Variants in IRGM observed in about 807,000 individuals in gnomAD.
IRGM encodes immunity-related GTPase family M protein.
For synonymous variants in IRGM, 98 were observed against 80.6 expected, an observed-to-expected ratio of 1.22 and a Z score of -1.16; for missense variants, 288 against 219.9, an observed-to-expected ratio of 1.31 and a Z score of -1.96.
intron 3 of IRGM, among the ~76,000 whole-genome samples, chr5:150,891,545 C>G (rs1754610235): frequency 6.6e-6 from 1 of 152,050 alleles, no homozygotes; most frequent in Non-Finnish European, 1.5e-5. Context: ...TGGATTTAAG[C>G]TATAACTCTG....
chr5:150,867,130 C>CT (rs1754219376), intron 1 of IRGM, among the ~76,000 whole-genome samples: 1 of 152,138 alleles, frequency 6.6e-6, no homozygotes, highest in Non-Finnish European at 1.5e-5. Flanking sequence ...GCACAGTGTA[C>CT]ACTGTACCCA....
At chr5:150,888,778 T>G (rs897051249) in intron 3 of IRGM, among the ~76,000 whole-genome samples, 1 of 152,058 alleles carries the variant, frequency 6.6e-6, no homozygotes, top group African/African-American at 2.4e-5. Context: ...CCAGAATCTC[T>G]GAGACACAGC....
At chr5:150,901,438 C>T (rs1157823451), downstream of IRGM, among the ~76,000 whole-genome samples, 1 of 151,934 alleles carries the variant, frequency 6.6e-6, no homozygotes, top group Non-Finnish European at 1.5e-5. Flanking sequence ...TCAGACTAGC[C>T]AATTTCAAGT....
At chr5:150,861,973 G>T (rs1427060294) in intron 1 of IRGM, among the ~76,000 whole-genome samples, 1 of 152,212 alleles carries the variant, frequency 6.6e-6, no homozygotes, top group Non-Finnish European at 1.5e-5. Flanking sequence ...AGATTATGTG[G>T]ATGAGAAGCC....
At chr5:150,889,470 T>C (rs1754574992) in intron 3 of IRGM, among the ~76,000 whole-genome samples, 1 of 152,100 alleles carries the variant, frequency 6.6e-6, no homozygotes, top group African/African-American at 2.4e-5. Flanking sequence ...ATGTGGGAAT[T>C]GTGGGAGCTA....
At chr5:150,895,461 G>A in intron 3 of IRGM, 1 of 1,612,076 alleles carries the variant, frequency 6.2e-7, no homozygotes. Context: ...CTGGTGTACA[G>A]TTAGTTGTGA....
At chr5:150,871,425 T>G (rs1455853138) in intron 1 of IRGM, among the ~76,000 whole-genome samples, 1 of 152,250 alleles carries the variant, frequency 6.6e-6, no homozygotes, top group Non-Finnish European at 1.5e-5. Flanking sequence ...GACGTTGTCC[T>G]TTTTATTGAG....
At chr5:150,900,912 G>T (rs992727183), downstream of IRGM, among the ~76,000 whole-genome samples, 1 of 151,858 alleles carries the variant, frequency 6.6e-6, no homozygotes, top group Non-Finnish European at 1.5e-5. Context: ...ATAATAAGTA[G>T]GTATAAATTT....
At chr5:150,878,222 G>T (rs1228604903) in intron 2 of IRGM, 17 of 364,040 alleles carry the variant, frequency 4.7e-5, no homozygotes, top group Non-Finnish European at 7.9e-5. Flanking sequence ...TGTGAGGCTA[G>T]AGAGTACAAA....
chr5:150,868,483 G>C lies in IRGM; in HGVS notation c.159-9497G>C, dbSNP rs114406064. Among the ~76,000 whole-genome samples the C allele has an allele frequency of 7.7e-3, 1,170 of 152,064 alleles. 21 individuals carry two copies. Among genetic ancestry groups the C allele is most frequent in the African/African-American group, 0.027 (1,110 of 41,474 alleles). ...CTTGTTTTGTTCCATGTAAATTTTA[G>C]GATTGTTTTTTCTAGTTCTGTGAAG... On this transcript the variant is annotated intron_variant and NMD_transcript_variant, in intron 1 of 3. Transcript: ENST00000520549.
intron 3 of IRGM, chr5:150,898,023 C>A (rs1754855187): frequency 1.3e-6 from 2 of 1,594,242 alleles, no homozygotes; most frequent in Non-Finnish European, 1.7e-6. Context: ...ACCTCAGGCA[C>A]CAATCAATTA....
At chr5:150,857,881 T>C (rs1273609348) in intron 1 of IRGM, among the ~76,000 whole-genome samples, 33 of 151,338 alleles carry the variant, frequency 2.2e-4, no homozygotes, top group Admixed American at 2.1e-3. Context: ...AGGTTGCCTG[T>C]TCACTCTGAT....
chr5:150,894,507 A>G (rs544362428), intron 3 of IRGM: 144 of 152,426 alleles, frequency 9.4e-4, no homozygotes, highest in Non-Finnish European at 1.7e-3. Flanking sequence ...AGAAGACAGT[A>G]AAATGAGCCA....
chr5:150,901,761 T>C (rs527572441), downstream of IRGM, among the ~76,000 whole-genome samples: 2 of 152,112 alleles, frequency 1.3e-5, no homozygotes, highest in Non-Finnish European at 2.9e-5. Flanking sequence ...AATCTCTATC[T>C]GTAAGATGAA....
At chr5:150,890,431 TCAAA>T (rs139730399) in intron 3 of IRGM, among the ~76,000 whole-genome samples, 17,230 of 151,854 alleles carry the variant, frequency 0.11, 1,221 homozygotes, top group East Asian at 0.4. Flanking sequence ...ATCTATCTTC[TCAAA>T]CAGTCAGCTT....
At chr5:150,878,119 GA>G (rs533836464) in intron 2 of IRGM, 34 of 407,160 alleles carry the variant, frequency 8.4e-5, no homozygotes, top group Non-Finnish European at 1.0e-4. Flanking sequence ...GCTCAGGTGA[GA>G]AAAAAAAATC....
chr5:150,874,791 G>A (rs1254669970), intron 1 of IRGM, among the ~76,000 whole-genome samples: 1 of 152,188 alleles, frequency 6.6e-6, no homozygotes, highest in Non-Finnish European at 1.5e-5. Flanking sequence ...TCACAATGGA[G>A]GCCTCTAGGA....
chr5:150,860,766 C>T (rs1312843167), intron 1 of IRGM, among the ~76,000 whole-genome samples: 1 of 152,238 alleles, frequency 6.6e-6, no homozygotes, highest in East Asian at 1.9e-4. Context: ...CACACAGACA[C>T]AGCTACTAGG....
chr5:150,860,285 A>G (rs1382112025), intron 1 of IRGM, among the ~76,000 whole-genome samples: 1 of 152,226 alleles, frequency 6.6e-6, no homozygotes, highest in African/African-American at 2.4e-5. Context: ...ATCCTCCATT[A>G]CAAGGAAAAT....
Sources: gnomAD v4.1 joint callset for allele counts (sites outside exome capture counted in the v4.1 genomes callset) on GRCh38, gnomAD v4.1.1 for gene constraint, MANE v1.5 for transcripts, NCBI Gene and HGNC (gene_info 2026-07-23, HGNC 2026-07-21) for gene names.